TMEM41B: variants seen among roughly 807,000 people sequenced by gnomAD.
The protein encoded by TMEM41B is transmembrane protein 41B, also known as protein stasimon.
Under a neutral mutation model 31.9 loss-of-function variants are expected in TMEM41B, and 18 were observed. That is an observed-to-expected ratio of 0.56 (90% CI 0.39 to 0.84). TMEM41B has a LOEUF of 0.84. TMEM41B is among the 40% of genes least tolerant of loss of function. The pLI, the probability that TMEM41B is intolerant of heterozygous loss-of-function variation, is 0.00. For missense variants in TMEM41B, 322 were observed against 348.0 expected (o/e 0.93, Z 0.59); for synonymous variants, 144 against 124.3 (o/e 1.16, Z -1.05).
At chr11:9,310,586 G>A (rs779150845) in intron 1 of TMEM41B, among the ~76,000 whole-genome samples, 5 of 151,256 alleles carry the variant, frequency 3.3e-5, no homozygotes, top group African/African-American at 4.9e-5. Flanking sequence ...TACATAGGTC[G>A]GGGCAAACAC....
intron 4 of TMEM41B, 167 bp from the exon 5 acceptor site, chr11:9,287,973 A>C: frequency 1.6e-6 from 1 of 614,050 alleles, no homozygotes; most frequent in Non-Finnish European, 2.8e-6. Context: ...TCAGACCAAA[A>C]TGTACCTCAA....
chr11:9,284,754 ATC>A (rs891585073), intron 6 of TMEM41B, among the ~76,000 whole-genome samples: 2 of 124,362 alleles, frequency 1.6e-5, no homozygotes, highest in African/African-American at 5.9e-5. Flanking sequence ...CAGAGAGAGA[ATC>A]TGTCTCAAAA....
chr11:9,284,694 C>T (rs1158448848), intron 6 of TMEM41B, among the ~76,000 whole-genome samples: 5 of 151,692 alleles, frequency 3.3e-5, no homozygotes, highest in East Asian at 1.9e-4. Flanking sequence ...ACCCAGGAGG[C>T]GGAGGTTGCA....
At chr11:9,306,169 G>C (rs956783419) in intron 1 of TMEM41B, among the ~76,000 whole-genome samples, 1 of 151,168 alleles carries the variant, frequency 6.6e-6, no homozygotes, top group Admixed American at 6.6e-5. Context: ...AGTAGAGACG[G>C]GGTTTCACCA....
At chr11:9,313,674 T>A (rs1853617069) in intron 1 of TMEM41B, among the ~76,000 whole-genome samples, 2 of 152,234 alleles carry the variant, frequency 1.3e-5, no homozygotes, top group Non-Finnish European at 2.9e-5. Flanking sequence ...AAGTAATTGC[T>A]AATATTTATT....
chr11:9,286,874 C>T (rs1015770604), intron 5 of TMEM41B, among the ~76,000 whole-genome samples: 7 of 151,810 alleles, frequency 4.6e-5, no homozygotes, highest in African/African-American at 1.7e-4. Flanking sequence ...GTGGCATGTG[C>T]CTGAAATCCT....
chr11:9,312,354 T>G (rs1050885676), intron 1 of TMEM41B, among the ~76,000 whole-genome samples: 12 of 152,066 alleles, frequency 7.9e-5, no homozygotes, highest in African/African-American at 2.7e-4. Context: ...AACAAATAAT[T>G]AGCTGAGCAT....
intron 3 of TMEM41B, among the ~76,000 whole-genome samples, chr11:9,289,683 T>C (rs1852911486): frequency 6.6e-6 from 1 of 152,252 alleles, no homozygotes; most frequent in African/African-American, 2.4e-5. Flanking sequence ...CCTGCTTTAC[T>C]ATTCCACTAT....
chr11:9,287,565 A>G (rs1031503593), intron 5 of TMEM41B, 137 bp downstream of exon 5: 1 of 564,116 alleles, frequency 1.8e-6, no homozygotes, highest in East Asian at 3.2e-5. Flanking sequence ...TGGTCAGAAG[A>G]TAATTCTTAT....
chr11:9,294,816 G>C (rs1853046097), intron 3 of TMEM41B, among the ~76,000 whole-genome samples: 1 of 151,732 alleles, frequency 6.6e-6, no homozygotes, highest in Admixed American at 6.6e-5. Context: ...AAAAAAACAT[G>C]AACAAAGGAG....
intron 1 of TMEM41B, among the ~76,000 whole-genome samples, chr11:9,310,162 A>G (rs1391839272): frequency 6.6e-6 from 1 of 151,266 alleles, no homozygotes; most frequent in Non-Finnish European, 1.5e-5. Flanking sequence ...CAGCCTCCCA[A>G]GTAGCTGGGA....
chr11:9,287,356 T>C (rs1590371800), intron 5 of TMEM41B, among the ~76,000 whole-genome samples: 1 of 152,250 alleles, frequency 6.6e-6, no homozygotes, highest in Admixed American at 6.5e-5. Context: ...CTGATACAAG[T>C]GTTTCCATAA....
At chr11:9,283,784 A>AGG in intron 6 of TMEM41B, among the ~76,000 whole-genome samples, 191 bp from the exon 7 acceptor site, 1 of 148,388 alleles carries the variant, frequency 6.7e-6, no homozygotes. Context: ...CTTAAGGATA[A>AGG]TGATTTTTTT....
intron 1 of TMEM41B, chr11:9,311,630 G>T: frequency 1.1e-6 from 1 of 901,896 alleles, no homozygotes; most frequent in Non-Finnish European, 1.8e-6. Flanking sequence ...AACCTCCAGG[G>T]CACCCAATGT....
chr11:9,300,276 G>GA lies in TMEM41B; in HGVS notation c.122-576dup, dbSNP rs1158176876. 3.9e-5 allele frequency among the ~76,000 whole-genome samples: 6 copies of GA among 152,072 alleles called. No homozygotes were observed. The East Asian group carries it at 1.2e-3, about 29-fold the overall frequency. On this transcript the variant is annotated intron_variant, in intron 1 of 6. Coordinates refer to ENST00000528080, the MANE Select transcript of TMEM41B (RefSeq NM_015012.4). Reference sequence around the variant, plus strand: ...ATTGGTTTATTGATAAGCCAAAGGGGAAAAAAAGAACATTGTTCTAAATGC... The same window carrying GA: ...ATTGGTTTATTGATAAGCCAAAGGGGAAAAAAAAGAACATTGTTCTAAATGC...
chr11:9,286,215 T>TCA (rs2133609818), intron 6 of TMEM41B, among the ~76,000 whole-genome samples: 1 of 151,944 alleles, frequency 6.6e-6, no homozygotes, highest in East Asian at 1.9e-4. Flanking sequence ...TAACCCTATA[T>TCA]CATTAAAACG....
chr11:9,310,567 G>A (rs1329914444), intron 1 of TMEM41B, among the ~76,000 whole-genome samples: 1 of 151,054 alleles, frequency 6.6e-6, no homozygotes, highest in Non-Finnish European at 1.5e-5. Flanking sequence ...TGGAGAACTT[G>A]CTAGTAAATA....
At chr11:9,306,721 C>G (rs1853408228) in intron 1 of TMEM41B, among the ~76,000 whole-genome samples, 1 of 152,122 alleles carries the variant, frequency 6.6e-6, no homozygotes, top group Non-Finnish European at 1.5e-5. Flanking sequence ...CGCTCTTGGC[C>G]TACAAGACGT....
intron 3 of TMEM41B, among the ~76,000 whole-genome samples, chr11:9,291,307 G>T (rs968887385): frequency 3.3e-5 from 5 of 151,828 alleles, no homozygotes; most frequent in Non-Finnish European, 7.4e-5. Flanking sequence ...GCTTGAACTC[G>T]GGCAGCGGAG....
Sources: allele counts gnomAD v4.1 joint callset (sites outside exome capture counted in the v4.1 genomes callset), GRCh38; gene constraint gnomAD v4.1.1; transcripts MANE v1.5; gene names NCBI Gene and HGNC (gene_info 2026-07-23, HGNC 2026-07-21).